Variants in SKAP2 observed in about 807,000 individuals in gnomAD.
SKAP2 encodes the protein src kinase-associated phosphoprotein 2.
Under a neutral mutation model 54.9 loss-of-function variants are expected in SKAP2, and 28 were observed. That is an observed-to-expected ratio of 0.51 (90% CI 0.38 to 0.70). The LOEUF is 0.70. Among genes scored for constraint, SKAP2 ranks in the 30% least tolerant of loss-of-function variants. SKAP2 has a pLI of 0.00. For synonymous variants in SKAP2, 137 were observed against 134.3 expected, an observed-to-expected ratio of 1.02 and a Z score of -0.14; for missense variants, 356 against 424.1, an observed-to-expected ratio of 0.84 and a Z score of 1.41.
chr7:26,854,274 C>T (rs1785112570), intron 2 of SKAP2, 112 bp from the exon 3 acceptor site: 2 of 584,888 alleles, frequency 3.4e-6, no homozygotes, highest in Non-Finnish European at 5.8e-6. Flanking sequence ...CCTAGATATA[C>T]ATTAGAAAAA....
At chr7:26,705,243 T>C (rs1415272028) in intron 9 of SKAP2, among the ~76,000 whole-genome samples, 1 of 152,206 alleles carries the variant, frequency 6.6e-6, no homozygotes, top group Non-Finnish European at 1.5e-5. Flanking sequence ...TTCCTAGCAC[T>C]TTTAGTTAAA....
chr7:26,855,575 A>G (rs141320000), intron 1 of SKAP2, among the ~76,000 whole-genome samples: 96 of 152,240 alleles, frequency 6.3e-4, no homozygotes, highest in African/African-American at 2.2e-3. Flanking sequence ...AAGTACAAAC[A>G]TAAGTTCTTC....
chr7:26,671,660 G>C (rs941513772), intron 11 of SKAP2, among the ~76,000 whole-genome samples: 1 of 152,098 alleles, frequency 6.6e-6, no homozygotes, highest in South Asian at 2.1e-4. Context: ...CACAGCTCTG[G>C]CTTGTGAGGC....
chr7:26,739,615 C>T (rs1222193373), intron 5 of SKAP2, among the ~76,000 whole-genome samples: 2 of 152,212 alleles, frequency 1.3e-5, no homozygotes, highest in Non-Finnish European at 2.9e-5. Flanking sequence ...TCATGGCCTG[C>T]AGCTTTCCTT....
chr7:26,790,638 T>G (rs1783655335), intron 4 of SKAP2, among the ~76,000 whole-genome samples: 1 of 152,222 alleles, frequency 6.6e-6, no homozygotes, highest in African/African-American at 2.4e-5. Flanking sequence ...CATTTTATAT[T>G]TCATACTTGC....
At position 26,828,792 on chromosome 7, in the gene SKAP2, C is replaced by T. The variant is rs193284137; in HGVS notation, c.307+15238G>A. On this transcript the variant is annotated intron_variant, in intron 4 of 12. Coordinates refer to ENST00000345317, the MANE Select transcript of SKAP2 (RefSeq NM_003930.5). ...CTGTAATCCCAGCACTTTAGGAGGC[C>T]GGGGTGGGCAGATCACCTGAGATCA... Among the ~76,000 whole-genome samples, 155 of 151,806 alleles carry T rather than the reference C, an allele frequency of 1.0e-3. 3 individuals are homozygous for T. The highest frequency in any genetic ancestry group is 8.5e-3 in the Admixed American group (129 of 15,226).
At chr7:26,758,367 C>T (rs947392563) in intron 4 of SKAP2, among the ~76,000 whole-genome samples, 8 of 152,096 alleles carry the variant, frequency 5.3e-5, no homozygotes, top group African/African-American at 1.7e-4. Context: ...AAATGCCACC[C>T]ATTCATCTAT....
Position 26,854,786 on chromosome 7 carries a change from T to A in SKAP2, c.172A>T (p.Ile58Phe), listed in dbSNP as rs140223829. The A allele has an allele frequency of 5.3e-5, 84 of 1,594,438 alleles. No individual in the cohort carries two copies. In the Middle Eastern group the frequency reaches 1.8e-3, roughly 35 times the overall value. Reference protein sequence around the residue: ...LIKKIKDVKSIYLQEFQDKGD... With the variant: ...LIKKIKDVKSFYLQEFQDKGD... Reference sequence around the variant, plus strand: ...GTAAACAAAAGGTAAGTGACTTACATAGACTTTACATCTTTTATCTTCTTA... The same window carrying A: ...GTAAACAAAAGGTAAGTGACTTACAAAGACTTTACATCTTTTATCTTCTTA... The change falls in exon 2 of 13, where the codon ATC (isoleucine) becomes TTC (phenylalanine). Residue 58 changes from isoleucine to phenylalanine, a missense_variant and splice_region_variant. Physicochemically the swap from Ile to Phe is conservative, Grantham distance 21. Coordinates refer to ENST00000345317, the MANE Select transcript of SKAP2 (RefSeq NM_003930.5).
chr7:26,863,651 T>G (rs1354188548), intron 1 of SKAP2, among the ~76,000 whole-genome samples: 3 of 152,130 alleles, frequency 2.0e-5, no homozygotes, highest in East Asian at 3.8e-4. Context: ...TAAATGGTAA[T>G]GTAAAACTGA....
At chr7:26,656,500 TACAA>T in the SKAP2 span, among the ~76,000 whole-genome samples, 8 of 152,310 alleles carry the variant, frequency 5.3e-5, no homozygotes, top group East Asian at 1.3e-3. Flanking sequence ...CAGACAAGTG[TACAA>T]ACAAAAACAC....
chr7:26,738,872 C>G lies in SKAP2; in HGVS notation c.392G>C (p.Ser131Thr), dbSNP rs754848310. The G allele has an allele frequency of 6.3e-7, 1 of 1,592,826 alleles. No individual in the cohort carries two copies. Among genetic ancestry groups the G allele is most frequent in the Non-Finnish European group, 8.6e-7 (1 of 1,161,176 alleles). ...GYLEKRRKDH[S>T]FLGFEWQKRW... is the part of the protein sequence containing the mutation. ...TTTCTGCCATTCAAATCCCAGAAAG[C>G]TGTGATCTGCAATAAAGAGGGGAAA... Residue 131 changes from serine (S) to threonine (T), a missense_variant, in exon 6 of 13, where the codon AGC becomes ACC. Physicochemically the swap from Ser to Thr is moderately conservative, Grantham distance 58. Transcript: ENST00000345317.
At chr7:26,750,885 C>T (rs550464772) in intron 4 of SKAP2, among the ~76,000 whole-genome samples, 62 of 152,204 alleles carry the variant, frequency 4.1e-4, no homozygotes, top group African/African-American at 1.5e-3. Context: ...TATGCTTTAT[C>T]TTTACATAGG....
At chr7:26,662,069 G>A (rs1786021984), downstream of SKAP2, among the ~76,000 whole-genome samples, 1 of 152,042 alleles carries the variant, frequency 6.6e-6, no homozygotes, top group South Asian at 2.1e-4. Context: ...CTCACTTTCA[G>A]CTGAATACTG....
intron 4 of SKAP2, among the ~76,000 whole-genome samples, chr7:26,783,989 A>G (rs896454796): frequency 2.6e-5 from 4 of 151,956 alleles, no homozygotes. Context: ...AAAAAAAGAA[A>G]TCTTATCTGA....
At chr7:26,757,982 C>T (rs1242086914) in intron 4 of SKAP2, among the ~76,000 whole-genome samples, 2 of 152,160 alleles carry the variant, frequency 1.3e-5, no homozygotes, top group Admixed American at 6.5e-5. Flanking sequence ...AGGATGGTCT[C>T]GATCTCCTGA....
At chr7:26,720,093 C>T (rs867082653) in intron 9 of SKAP2, among the ~76,000 whole-genome samples, 1 of 146,382 alleles carries the variant, frequency 6.8e-6, no homozygotes, top group South Asian at 2.2e-4. Flanking sequence ...CACACACACA[C>T]ATCCCAGTTA....
chr7:26,861,086 T>G (rs184975086), intron 1 of SKAP2, among the ~76,000 whole-genome samples: 3 of 152,190 alleles, frequency 2.0e-5, no homozygotes, highest in African/African-American at 7.2e-5. Flanking sequence ...CTTTTAAAAT[T>G]TGTTGTCCTA....
At chr7:26,852,269 G>C (rs1249546480) in intron 3 of SKAP2, among the ~76,000 whole-genome samples, 1 of 152,090 alleles carries the variant, frequency 6.6e-6, no homozygotes, top group African/African-American at 2.4e-5. Context: ...TTTTAAAAAA[G>C]ATGTACTATA....
intron 9 of SKAP2, among the ~76,000 whole-genome samples, chr7:26,719,046 A>C (rs1787522652): frequency 1.3e-5 from 2 of 152,086 alleles, no homozygotes; most frequent in Non-Finnish European, 2.9e-5. Flanking sequence ...TAGGCATGGC[A>C]GCGCATGCCT....
Sources: allele counts gnomAD v4.1 joint callset (sites outside exome capture counted in the v4.1 genomes callset), GRCh38; gene constraint gnomAD v4.1.1; transcripts MANE v1.5; gene names NCBI Gene and HGNC (gene_info 2026-07-23, HGNC 2026-07-21).